The following FAM186A variants were observed in gnomAD, a reference collection of about 807,000 sequenced individuals.
FAM186A encodes the protein protein FAM186A.
A neutral mutation model predicts 216.8 loss-of-function variants in FAM186A; 163 were observed. That is an observed-to-expected ratio of 0.75 (90% CI 0.66 to 0.86). The LOEUF is 0.86. Ranked by LOEUF, FAM186A falls within the 40% of genes least tolerant of loss-of-function variation. The pLI, the probability that FAM186A is intolerant of heterozygous loss-of-function variation, is 0.00. For synonymous variants in FAM186A, 805 were observed against 1,025.3 expected, an observed-to-expected ratio of 0.79 and a Z score of 4.10; for missense variants, 2,184 against 2,746.2, an observed-to-expected ratio of 0.80 and a Z score of 4.58.
In FAM186A at chr12:50,356,195, A is replaced by C; in HGVS notation, c.637T>G (p.Ser213Ala). 6.4e-7 allele frequency: 1 copy of C among 1,551,408 alleles called. No homozygotes were observed. The highest frequency in any genetic ancestry group is 8.7e-7 in the Non-Finnish European group (1 of 1,146,930). The stretch of plus-strand genomic sequence containing the variant: ...TCTGGTCTTAAAGCACGGGCTGTTG[A>C]AGGTCGTTTTATAACTCTTTCTTTC... ...SWKERVIKRP[S>A]TARALRPDQM... The change falls in exon 4 of 8, where the codon TCA becomes GCA. Residue 213 changes from serine to alanine, a missense_variant. By Grantham distance (99) the Ser-to-Ala change is moderately conservative (BLOSUM62 1). This residue lies in a region of FAM186A where 1,132 missense variants were observed against 1,263.4 expected (regional missense o/e 0.90). Coordinates refer to ENST00000327337, the MANE Select transcript of FAM186A (RefSeq NM_001145475.3).
chr12:50,356,215 T>G lies in FAM186A; in HGVS notation c.617A>C (p.Glu206Ala), dbSNP rs1267781837. Residue 206 changes from glutamate (E) to alanine (A), a missense_variant, in exon 4 of 8, where the codon GAA (glutamate) becomes GCA (alanine). Physicochemically the swap from Glu to Ala is moderately radical, Grantham distance 107. Transcript: ENST00000327337. ...TGTTGAAGGTCGTTTTATAACTCTT[T>G]CTTTCCAAGATTTCCATAGAGTACC... The part of the protein sequence containing the change: ...SRGTLWKSWK[E>A]RVIKRPSTAR... The G allele has an allele frequency of 4.5e-6, 7 of 1,550,262 alleles. No homozygotes were observed. In the Admixed American group the frequency reaches 1.4e-4, roughly 31 times the overall value.
In FAM186A at chr12:50,328,926, G is replaced by A. The variant is rs191111498; in HGVS notation, c.7035-1522C>T. 1.7e-3 allele frequency among the ~76,000 whole-genome samples: 261 copies of A among 151,276 alleles called. 3 individuals carry two copies. The East Asian group carries it at 0.048, about 28-fold the overall frequency. ...AGGTCAAGAGTTCAAGACCAGCCTG[G>A]CCAACATGGTGAAGCCTCATCTCTA... On this transcript the variant is annotated intron_variant, in intron 7 of 7. Transcript: ENST00000327337.
At chr12:50,338,014 C>A (rs1264858559) in intron 4 of FAM186A, among the ~76,000 whole-genome samples, 1 of 152,110 alleles carries the variant, frequency 6.6e-6, no homozygotes, top group East Asian at 1.9e-4. Flanking sequence ...ATCCTCCTTA[C>A]CTTTTGTTTC....
In FAM186A at chr12:50,374,620, G is replaced by A. The variant is rs560102092; in HGVS notation, c.193-11256C>T. Reference sequence around the variant, plus strand: ...CATTCATGATTTCTAAAAGAAGCTCGATAATAAATGAGGAATAGAGGGTAA... The same window carrying A: ...CATTCATGATTTCTAAAAGAAGCTCAATAATAAATGAGGAATAGAGGGTAA... On this transcript the variant is annotated intron_variant, in intron 1 of 7. Transcript: ENST00000327337. 2.2e-4 allele frequency among the ~76,000 whole-genome samples: 33 copies of A among 152,270 alleles called. No individual in the cohort carries two copies. In the South Asian group the frequency reaches 4.8e-3, roughly 22 times the overall value.
Position 50,355,864 on chromosome 12 carries a change from G to T in FAM186A, c.968C>A (p.Ala323Glu). The T allele has an allele frequency of 6.4e-7, 1 of 1,551,022 alleles. No individual in the cohort carries two copies. Among genetic ancestry groups the T allele is most frequent in the Non-Finnish European group, 8.7e-7 (1 of 1,146,890 alleles). ...AATAAGTTGTTCACATTTTTCTTCT[G>T]CATCTTGAAGTTTCTGCTGAAGCAT... The part of the protein sequence containing the change: ...NEMLQQKLQD[A>E]EEKCEQLIRS... The change falls in exon 4 of 8, where the codon GCA (alanine) becomes GAA (glutamate). Residue 323 changes from alanine (A) to glutamate (E), a missense_variant. By Grantham distance (107) the Ala-to-Glu change is moderately radical. Coordinates refer to ENST00000327337, the MANE Select transcript of FAM186A (RefSeq NM_001145475.3).
At chr12:50,396,246 G>A (rs781170137) in intron 1 of FAM186A, 47 bp downstream of exon 1, 15 of 1,432,794 alleles carry the variant, frequency 1.0e-5, no homozygotes, top group South Asian at 9.2e-5. Flanking sequence ...GTCACAGAAA[G>A]TTTAAAAAGA....
At chr12:50,356,480 C>T (rs900557159) in intron 3 of FAM186A, among the ~76,000 whole-genome samples, 2 of 152,134 alleles carry the variant, frequency 1.3e-5, no homozygotes, top group African/African-American at 4.8e-5. Context: ...GAGGGGATCT[C>T]CTTGTTTCCC....
chr12:50,366,201 A>G (rs1943086093), intron 1 of FAM186A: 4 of 568,674 alleles, frequency 7.0e-6, no homozygotes, highest in Admixed American at 3.2e-5. Flanking sequence ...TGTTAGGTGT[A>G]TTTGCTGTTA....
chr12:50,356,504 G>A (rs1942979009), intron 3 of FAM186A, among the ~76,000 whole-genome samples: 1 of 152,164 alleles, frequency 6.6e-6, no homozygotes. Flanking sequence ...CTGGAGTGCA[G>A]TGGCACGATT....
chr12:50,383,812 G>A (rs2136106031), intron 1 of FAM186A, among the ~76,000 whole-genome samples: 1 of 151,638 alleles, frequency 6.6e-6, no homozygotes, highest in East Asian at 2.0e-4. Context: ...ATATAAACCA[G>A]CCTAATGTGA....
Position 50,351,665 on chromosome 12 carries a change from G to A in FAM186A, c.5167C>T (p.Pro1723Ser), listed in dbSNP as rs1454189755. The A allele has an allele frequency of 3.2e-6, 5 of 1,551,620 alleles. No individual in the cohort carries two copies. The highest frequency in any genetic ancestry group is 1.7e-6 in the Non-Finnish European group (2 of 1,146,930). The stretch of plus-strand genomic sequence containing the variant: ...CTTGATATGATGGATTGCCCAGTGG[G>A]GAGAGAAGCCTTCGATTTCTGAAAT... Reference protein sequence around the residue: ...RPFQKSKASLPTGQSIISRLS... With the variant: ...RPFQKSKASLSTGQSIISRLS... Residue 1723 changes from proline (P) to serine (S), a missense_variant, in exon 4 of 8, where the codon CCC becomes TCC. Around this residue, in one of 7 missense-constraint regions of FAM186A, gnomAD observed 721 missense variants for 816.4 expected, o/e 0.88. Coordinates refer to ENST00000327337, the MANE Select transcript of FAM186A (RefSeq NM_001145475.3).
Position 50,351,656 on chromosome 12 carries a change from G to T in FAM186A, c.5176C>A (p.Gln1726Lys), listed in dbSNP as rs1379283412. 9.7e-6 allele frequency: 15 copies of T among 1,551,624 alleles called. No homozygotes were observed. Among genetic ancestry groups the T allele is most frequent in the South Asian group, 1.2e-5 (1 of 84,070 alleles). ...QKSKASLPTGQSIISRLSPSL... is the reference protein window; with the variant it reads ...QKSKASLPTGKSIISRLSPSL... ...GGAGACAATCTTGATATGATGGATT[G>T]CCCAGTGGGGAGAGAAGCCTTCGAT... Residue 1726 changes from glutamine to lysine, a missense_variant, in exon 4 of 8, where the codon CAA (glutamine) becomes AAA (lysine). Gln to Lys is a moderately conservative substitution (Grantham distance 53). Transcript: ENST00000327337.
At chr12:50,380,287 A>C (rs1277871181) in intron 1 of FAM186A, among the ~76,000 whole-genome samples, 4 of 152,190 alleles carry the variant, frequency 2.6e-5, no homozygotes, top group African/African-American at 9.7e-5. Context: ...AGTGCTACTT[A>C]ATAAATGTCC....
rs746906738 is a variant in FAM186A at position 50,363,318 on chromosome 12, A to T, written c.239T>A (p.Ile80Lys). 1 of 1,551,380 alleles carries T rather than the reference A, an allele frequency of 6.4e-7. No homozygotes were observed. The highest frequency in any genetic ancestry group is 2.0e-5 in the Admixed American group (1 of 50,990). ...AAAAACAAGAGTATAGCGAGTCATT[A>T]TCCGATGCACATTGTTCATTATTTC... The part of the protein sequence containing the change: ...LSEIMNNVHR[I>K]MTRYTLVFNS... The change falls in exon 2 of 8, where the codon ATA becomes AAA. Residue 80 changes from isoleucine to lysine, a missense_variant. Physicochemically the swap from Ile to Lys is moderately radical, Grantham distance 102 (BLOSUM62 -3). Transcript: ENST00000327337.
At chr12:50,331,507 G>A (rs991437529) in intron 6 of FAM186A, among the ~76,000 whole-genome samples, 163 bp downstream of exon 6, 1 of 152,154 alleles carries the variant, frequency 6.6e-6, no homozygotes, top group African/African-American at 2.4e-5. Context: ...CTCCCAAAGT[G>A]CTGGGATTAC....
chr12:50,362,774 G>A (rs140219203), intron 2 of FAM186A, among the ~76,000 whole-genome samples: 1,590 of 142,398 alleles, frequency 0.011, 27 homozygotes, highest in African/African-American at 0.037. Context: ...AAAGGGTAAA[G>A]TGTAAGGAAA....
At chr12:50,346,930 A>G (rs1313014337) in intron 4 of FAM186A, among the ~76,000 whole-genome samples, 1 of 151,196 alleles carries the variant, frequency 6.6e-6, no homozygotes, top group Non-Finnish European at 1.5e-5. Flanking sequence ...ACACACACAC[A>G]CACACAAACC....
At chr12:50,392,256 GTTGTTTGT>G (rs147405662) in intron 1 of FAM186A, 7,265 of 168,710 alleles carry the variant, frequency 0.043, 233 homozygotes, top group African/African-American at 0.096. Context: ...TCACAGGTTT[GTTGTTTGT>G]TTGTTTGTTT....
chr12:50,395,851 T>G (rs752724300), intron 1 of FAM186A, among the ~76,000 whole-genome samples: 27 of 151,968 alleles, frequency 1.8e-4, no homozygotes, highest in Non-Finnish European at 3.1e-4. Context: ...AACCTCCACC[T>G]CCCTGGTTCA....
Sources: allele counts gnomAD v4.1 joint callset (sites outside exome capture counted in the v4.1 genomes callset), GRCh38; gene constraint gnomAD v4.1.1; regional missense constraint gnomAD v4.1.1; transcripts MANE v1.5; gene names NCBI Gene and HGNC (gene_info 2026-07-23, HGNC 2026-07-21).